CNTNAP2: variants seen among roughly 807,000 people sequenced by gnomAD.
CNTNAP2 encodes contactin-associated protein-like 2.
CNTNAP2 carries 98 observed loss-of-function variants against 155.2 expected under a neutral mutation model. The observed-to-expected ratio is 0.63, with a 90% CI of 0.54 to 0.75. The LOEUF is 0.75. Among genes scored for constraint, CNTNAP2 ranks in the 30% least tolerant of loss-of-function variants. The probability of loss-of-function intolerance (pLI) is 0.00; values close to 1 mark genes in which losing one functional copy is unlikely to be tolerated. For synonymous variants in CNTNAP2, 651 were observed against 631.2 expected (o/e 1.03, Z -0.47); for missense variants, 1,727 against 1,688.1 (o/e 1.02, Z -0.40).
chr7:148,045,155 A>G (rs1802753474), intron 15 of CNTNAP2, among the ~76,000 whole-genome samples: 1 of 152,184 alleles, frequency 6.6e-6, no homozygotes, highest in Non-Finnish European at 1.5e-5. Context: ...GATCCAGAGC[A>G]GAGAGGGCAG....
chr7:146,625,441 A>G (rs541758986), intron 1 of CNTNAP2, among the ~76,000 whole-genome samples: 1 of 152,164 alleles, frequency 6.6e-6, no homozygotes, highest in East Asian at 1.9e-4. Context: ...ATACTTGAAA[A>G]ATAATAATCA....
At chr7:146,381,013 T>C (rs1299903880) in intron 1 of CNTNAP2, among the ~76,000 whole-genome samples, 19 of 151,490 alleles carry the variant, frequency 1.3e-4, no homozygotes, top group African/African-American at 4.6e-4. Flanking sequence ...TTAGCCAGGA[T>C]GGTCTCGATC....
At chr7:146,643,443 C>G (rs988726522) in intron 1 of CNTNAP2, among the ~76,000 whole-genome samples, 2 of 152,086 alleles carry the variant, frequency 1.3e-5, no homozygotes, top group East Asian at 1.9e-4. Flanking sequence ...TTGTTTTTCT[C>G]AGGTTTGTCA....
At chr7:148,336,220 CATATAA>C (rs1798112638) in intron 21 of CNTNAP2, among the ~76,000 whole-genome samples, 1 of 152,096 alleles carries the variant, frequency 6.6e-6, no homozygotes, top group Non-Finnish European at 1.5e-5. Flanking sequence ...AATAGCTAAG[CATATAA>C]ATATAATTTT....
chr7:147,738,174 G>A (rs914651543), intron 13 of CNTNAP2, among the ~76,000 whole-genome samples: 1 of 152,090 alleles, frequency 6.6e-6, no homozygotes. Context: ...CCCCGAAATT[G>A]GTTTCTTGAG....
intron 1 of CNTNAP2, among the ~76,000 whole-genome samples, chr7:146,759,711 A>AGG (rs1554477346): frequency 4.6e-3 from 276 of 60,600 alleles, no homozygotes; most frequent in Non-Finnish European, 5.5e-3. Flanking sequence ...AAAAAAAAAA[A>AGG]GGTGGGTGGG....
In CNTNAP2 at chr7:147,664,293, G is replaced by A. The variant is rs1162459393; in HGVS notation, c.2098+24987G>A. On this transcript the variant is annotated intron_variant, in intron 13 of 23. Transcript: ENST00000361727. ...TAAGAGTTTTTGTTGGTGGTGGTTT[G>A]TTTGTTTCATCTCTGGCTGACAGGA... 3.3e-5 allele frequency among the ~76,000 whole-genome samples: 5 copies of A among 152,330 alleles called. No individual in the cohort carries two copies. In the East Asian group the frequency reaches 7.7e-4, roughly 24 times the overall value.
chr7:147,924,050 C>A (rs1025448281), intron 14 of CNTNAP2, among the ~76,000 whole-genome samples: 1 of 152,172 alleles, frequency 6.6e-6, no homozygotes, highest in Admixed American at 6.5e-5. Context: ...TCTCCTAAGC[C>A]AGTCTGATGA....
At chr7:147,000,849 C>T (rs1798408731) in intron 3 of CNTNAP2, among the ~76,000 whole-genome samples, 6 of 152,132 alleles carry the variant, frequency 3.9e-5, no homozygotes, top group Non-Finnish European at 7.4e-5. Context: ...GAATCCAAGG[C>T]TGCTATAGTT....
chr7:146,982,376 G>A (rs1798034393), intron 3 of CNTNAP2, among the ~76,000 whole-genome samples: 1 of 151,922 alleles, frequency 6.6e-6, no homozygotes, highest in Non-Finnish European at 1.5e-5. Context: ...CATTCTTTGT[G>A]TTTTTTTGAG....
At chr7:147,880,854 G>GGTGTGTGTGTGT (rs71183032) in intron 13 of CNTNAP2, among the ~76,000 whole-genome samples, 219 of 143,172 alleles carry the variant, frequency 1.5e-3, no homozygotes, top group East Asian at 0.011. Context: ...ATTGGAGTTG[G>GGTGTGTGTGTGT]GTGTGTGTGT....
At chr7:146,701,480 CTGGT>C (rs1460236640) in intron 1 of CNTNAP2, among the ~76,000 whole-genome samples, 1 of 152,108 alleles carries the variant, frequency 6.6e-6, no homozygotes, top group East Asian at 1.9e-4. Context: ...ACTATGATGT[CTGGT>C]TGTATTTTAA....
At chr7:147,452,888 C>T (rs1797857355) in intron 10 of CNTNAP2, among the ~76,000 whole-genome samples, 1 of 134,084 alleles carries the variant, frequency 7.5e-6, no homozygotes. Context: ...ATAAAGAAGA[C>T]AGACAAAGAA....
intron 10 of CNTNAP2, among the ~76,000 whole-genome samples, chr7:147,427,988 T>G (rs752434738): frequency 2.6e-5 from 4 of 152,154 alleles, no homozygotes; most frequent in Non-Finnish European, 4.4e-5. Flanking sequence ...AGGTTTCAGT[T>G]AAATTAAAAA....
intron 3 of CNTNAP2, among the ~76,000 whole-genome samples, chr7:146,845,862 C>T (rs1404479058): frequency 6.6e-6 from 1 of 152,150 alleles, no homozygotes; most frequent in Non-Finnish European, 1.5e-5. Context: ...AACAAATTAT[C>T]TGTTACCATC....
At chr7:146,206,660 T>C (rs567647103) in intron 1 of CNTNAP2, among the ~76,000 whole-genome samples, 16 of 152,096 alleles carry the variant, frequency 1.1e-4, no homozygotes, top group African/African-American at 3.9e-4. Flanking sequence ...GTCAACATTA[T>C]TTTGTACTGC....
At chr7:147,557,099 A>G (rs1799966325) in intron 11 of CNTNAP2, among the ~76,000 whole-genome samples, 1 of 151,972 alleles carries the variant, frequency 6.6e-6, no homozygotes, top group Non-Finnish European at 1.5e-5. Flanking sequence ...CCCCATCTCT[A>G]CTGAAAATAC....
At chr7:146,826,876 A>G (rs188776054) in intron 2 of CNTNAP2, among the ~76,000 whole-genome samples, 24 of 151,182 alleles carry the variant, frequency 1.6e-4, no homozygotes, top group African/African-American at 5.3e-4. Context: ...AGAGAGAGAG[A>G]GAGACTTGAG....
intron 1 of CNTNAP2, among the ~76,000 whole-genome samples, chr7:146,685,567 G>A (rs912623601): frequency 6.6e-5 from 10 of 152,108 alleles, no homozygotes; most frequent in African/African-American, 2.2e-4. Context: ...ATCCATGCCC[G>A]ATTTATCTCT....
Sources: allele counts gnomAD v4.1 joint callset (sites outside exome capture counted in the v4.1 genomes callset), GRCh38; gene constraint gnomAD v4.1.1; transcripts MANE v1.5; gene names NCBI Gene and HGNC (gene_info 2026-07-23, HGNC 2026-07-21).